CDK14: variants seen among roughly 807,000 people sequenced by gnomAD.
The protein encoded by CDK14 is cyclin-dependent kinase 14.
Under a neutral mutation model 60.7 loss-of-function variants are expected in CDK14, and 34 were observed. The observed-to-expected ratio is 0.56, with a 90% CI of 0.43 to 0.75. CDK14 has a LOEUF of 0.75. CDK14 is among the 30% of genes least tolerant of loss of function. The pLI, the probability that CDK14 is intolerant of heterozygous loss-of-function variation, is 0.00. For missense variants in CDK14, 482 were observed against 564.1 expected, an observed-to-expected ratio of 0.85 and a Z score of 1.47; for synonymous variants, 197 against 203.7, an observed-to-expected ratio of 0.97 and a Z score of 0.28.
At chr7:91,086,333 G>A (rs1173810021) in intron 12 of CDK14, among the ~76,000 whole-genome samples, 1 of 152,136 alleles carries the variant, frequency 6.6e-6, no homozygotes. Context: ...CTCCCCTCCA[G>A]AAGCCACGCT....
At chr7:91,051,183 A>C (rs1466181383) in intron 11 of CDK14, among the ~76,000 whole-genome samples, 3 of 152,166 alleles carry the variant, frequency 2.0e-5, no homozygotes, top group Non-Finnish European at 4.4e-5. Flanking sequence ...GCAAGAACTC[A>C]CTCATTATCC....
chr7:90,620,464 TGC>T (rs1799743120), intron 2 of CDK14, among the ~76,000 whole-genome samples: 1 of 152,078 alleles, frequency 6.6e-6, no homozygotes, highest in Admixed American at 6.5e-5. Context: ...GAGTGGAAAG[TGC>T]AAGAGCGCTG....
intron 2 of CDK14, among the ~76,000 whole-genome samples, chr7:90,612,257 C>A (rs1474501250): frequency 2.0e-5 from 3 of 152,204 alleles, no homozygotes; most frequent in Admixed American, 2.0e-4. Context: ...ACTGCTCCAT[C>A]TTATTCCTCC....
intron 14 of CDK14, among the ~76,000 whole-genome samples, chr7:91,118,510 A>G (rs536483288): frequency 5.3e-4 from 81 of 152,330 alleles, no homozygotes; most frequent in Admixed American, 3.9e-3. Context: ...AAAAAGGTTC[A>G]CTTTGGGCTG....
chr7:91,029,239 G>A (rs1040198002), intron 10 of CDK14, among the ~76,000 whole-genome samples: 14 of 152,106 alleles, frequency 9.2e-5, no homozygotes, highest in Non-Finnish European at 1.6e-4. Context: ...ATAATTTGAA[G>A]TCAGATAATG....
Position 91,024,270 on chromosome 7 carries a change from T to A in CDK14, c.1042-21627T>A, listed in dbSNP as rs965882984. 2.1e-4 allele frequency among the ~76,000 whole-genome samples: 32 copies of A among 152,332 alleles called. 1 individual carries two copies. The highest frequency in any genetic ancestry group is 1.6e-3 in the Admixed American group (24 of 15,306). ...AAGAATCCAGTGAGGTAGGTAGTCT[T>A]TGTTATACCTGTTTTATCAAAGAGG... is the stretch of plus-strand genomic sequence containing the variant. On this transcript the variant is annotated intron_variant, in intron 10 of 14. Coordinates refer to ENST00000380050, the MANE Select transcript of CDK14 (RefSeq NM_001287135.2).
intron 14 of CDK14, among the ~76,000 whole-genome samples, chr7:91,156,344 T>C (rs1800982002): frequency 1.3e-5 from 2 of 152,264 alleles, no homozygotes; most frequent in Non-Finnish European, 2.9e-5. Context: ...TGGCTTAAAC[T>C]GTTCTTTGTC....
intron 2 of CDK14, among the ~76,000 whole-genome samples, chr7:90,676,408 C>G (rs915926964): frequency 2.0e-5 from 3 of 152,018 alleles, no homozygotes; most frequent in African/African-American, 4.8e-5. Context: ...TGCAAAGACC[C>G]TGGTGCACTT....
At chr7:90,772,096 C>T (rs1272493486) in intron 4 of CDK14, among the ~76,000 whole-genome samples, 1 of 152,132 alleles carries the variant, frequency 6.6e-6, no homozygotes, top group East Asian at 1.9e-4. Context: ...AGTCTCTGTA[C>T]CTGGGTTCAT....
intron 6 of CDK14, among the ~76,000 whole-genome samples, chr7:90,886,225 C>T (rs1029659973): frequency 1.3e-5 from 2 of 152,088 alleles, no homozygotes; most frequent in South Asian, 4.2e-4. Context: ...AAGGGTTGAG[C>T]ACAAGTATGT....
chr7:90,691,248 G>A (rs1350722631), intron 2 of CDK14, among the ~76,000 whole-genome samples: 2 of 152,102 alleles, frequency 1.3e-5, no homozygotes, highest in Non-Finnish European at 2.9e-5. Flanking sequence ...GCCGTGAAGG[G>A]AGGCAGATAA....
intron 2 of CDK14, among the ~76,000 whole-genome samples, chr7:90,638,301 C>T (rs576400610): frequency 1.6e-4 from 25 of 152,256 alleles, no homozygotes; most frequent in African/African-American, 4.6e-4. Flanking sequence ...GTGCTTCCTT[C>T]GGGAGCTCTT....
At chr7:91,067,923 T>C (rs1798025626) in intron 11 of CDK14, among the ~76,000 whole-genome samples, 1 of 152,236 alleles carries the variant, frequency 6.6e-6, no homozygotes, top group African/African-American at 2.4e-5. Context: ...CATCCTGAAA[T>C]CATAGCAAAT....
chr7:91,007,059 A>G (rs1795999655), intron 10 of CDK14, among the ~76,000 whole-genome samples: 1 of 152,198 alleles, frequency 6.6e-6, no homozygotes, highest in Non-Finnish European at 1.5e-5. Flanking sequence ...AACGATTCCT[A>G]GAGGAGGATT....
At chr7:90,881,720 A>G (rs1280107970) in intron 6 of CDK14, among the ~76,000 whole-genome samples, 2 of 152,174 alleles carry the variant, frequency 1.3e-5, no homozygotes, top group African/African-American at 4.8e-5. Flanking sequence ...GGAAGCCCCT[A>G]AGACTAACAG....
intron 4 of CDK14, among the ~76,000 whole-genome samples, chr7:90,762,654 AAGAT>A (rs1179317970): frequency 6.6e-6 from 1 of 152,196 alleles, no homozygotes; most frequent in Non-Finnish European, 1.5e-5. Flanking sequence ...TGAAAGCAAA[AAGAT>A]AGAGAAATAT....
At chr7:90,629,666 CA>C (rs1331630607) in intron 2 of CDK14, among the ~76,000 whole-genome samples, 2 of 152,146 alleles carry the variant, frequency 1.3e-5, no homozygotes, top group African/African-American at 4.8e-5. Flanking sequence ...ATGCCTTTTG[CA>C]AAATCTTTGA....
chr7:90,747,898 CTTTTT>C (rs11290265), intron 4 of CDK14, 123 bp downstream of exon 4: 358 of 179,088 alleles, frequency 2.0e-3, no homozygotes, highest in East Asian at 3.8e-3. Context: ...TCACGGTATC[CTTTTT>C]TTTTTTTTTT....
intron 3 of CDK14, among the ~76,000 whole-genome samples, chr7:90,729,482 G>A (rs983797375): frequency 3.3e-5 from 5 of 149,744 alleles, no homozygotes; most frequent in Middle Eastern, 3.4e-3. Context: ...TGCCCTTATG[G>A]GTTTTAATTT....
Sources: gnomAD v4.1 joint callset for allele counts (sites outside exome capture counted in the v4.1 genomes callset) on GRCh38, gnomAD v4.1.1 for gene constraint, MANE v1.5 for transcripts, NCBI Gene and HGNC (gene_info 2026-07-23, HGNC 2026-07-21) for gene names.